ZFYVE16: variants seen among roughly 807,000 people sequenced by gnomAD.
ZFYVE16 encodes the protein zinc finger FYVE-type containing 16.
Under a neutral mutation model 138.1 loss-of-function variants are expected in ZFYVE16, and 89 were observed. That is an observed-to-expected ratio of 0.64 (90% CI 0.54 to 0.77). The LOEUF is 0.77. Ranked by LOEUF, ZFYVE16 falls within the 30% of genes least tolerant of loss-of-function variation. The probability of loss-of-function intolerance (pLI) is 0.00; values close to 1 mark genes in which losing one functional copy is unlikely to be tolerated. For synonymous variants in ZFYVE16, 596 were observed against 618.3 expected (o/e 0.96, Z 0.53); for missense variants, 1,793 against 1,786.7 (o/e 1.00, Z -0.06).
At chr5:80,422,299 T>G (rs1030078012) in intron 1 of ZFYVE16, among the ~76,000 whole-genome samples, 1 of 152,166 alleles carries the variant, frequency 6.6e-6, no homozygotes, top group African/African-American at 2.4e-5. Context: ...AGAGAAGATA[T>G]CCTTTCCTTG....
In ZFYVE16 at chr5:80,448,509, A is replaced by G; in HGVS notation, c.3103+105A>G. Reference sequence around the variant, plus strand: ...TTTTTTAACTTAGTTTGGTTGCAATATGTACTAAGGCTGGTAACTTTTGTT... The same window carrying G: ...TTTTTTAACTTAGTTTGGTTGCAATGTGTACTAAGGCTGGTAACTTTTGTT... On this transcript the variant is annotated intron_variant, in intron 8 of 18. Transcript: ENST00000505560. The G allele has an allele frequency of 7.0e-6, 8 of 1,142,244 alleles. No homozygotes were observed. The South Asian group carries it at 2.0e-4, about 28-fold the overall frequency. 70.8% of individuals were successfully genotyped at this position (1,142,244 alleles called of 1,614,324 possible).
At chr5:80,425,633 C>G (rs1372992609) in intron 1 of ZFYVE16, among the ~76,000 whole-genome samples, 1 of 152,164 alleles carries the variant, frequency 6.6e-6, no homozygotes, top group African/African-American at 2.4e-5. Context: ...CAGTGTTTCA[C>G]CTTCCAGGAT....
intron 1 of ZFYVE16, among the ~76,000 whole-genome samples, chr5:80,410,780 G>C (rs188366106): frequency 0.029 from 4,334 of 151,372 alleles, 72 homozygotes; most frequent in South Asian, 0.046. Context: ...ATGTTGGCCA[G>C]GATGGTCTCG....
Position 80,438,022 on chromosome 5 carries a change from C to G in ZFYVE16, c.1337C>G (p.Ser446Ter), listed in dbSNP as rs770749802. 3.7e-6 allele frequency: 6 copies of G among 1,613,956 alleles called. No individual in the cohort carries two copies. Among genetic ancestry groups the G allele is most frequent in the Non-Finnish European group, 5.1e-6 (6 of 1,179,934 alleles). Residue 446 changes from serine to a stop codon, truncating the protein, a stop_gained, in exon 4 of 19, where the codon TCA (serine) becomes TGA (stop). Transcript: ENST00000505560. LOFTEE classifies it high-confidence loss of function. ...QEKCKSILLQ[S>*]LIEGMEDRKI... ...AAATGTAAAAGCATACTCCTTCAGT[C>G]ATTAATTGAAGGGATGGAAGACAGA...
At chr5:80,428,448 C>A (rs1561251151) in intron 2 of ZFYVE16, among the ~76,000 whole-genome samples, 2 of 152,174 alleles carry the variant, frequency 1.3e-5, no homozygotes, top group Non-Finnish European at 2.9e-5. Flanking sequence ...CACCAAAACC[C>A]CATCTATACG....
At position 80,471,571 on chromosome 5, in the gene ZFYVE16, C is replaced by G. The variant is rs1580366256; in HGVS notation, c.4025-1190C>G. On this transcript the variant is annotated intron_variant, in intron 15 of 18. Coordinates refer to ENST00000505560, the MANE Select transcript of ZFYVE16 (RefSeq NM_001284236.3). ...ATAATAAATGCTGGTATATCCAGTG[C>G]ATCGTTGGCACCACGGGACCAGAAG... is the stretch of plus-strand genomic sequence containing the variant. Among the ~76,000 whole-genome samples the G allele has an allele frequency of 9.2e-5, 14 of 152,304 alleles. No homozygotes were observed. The East Asian group carries it at 2.7e-3, about 29-fold the overall frequency.
In ZFYVE16 at chr5:80,440,506, A is replaced by G. The variant is rs572599461; in HGVS notation, c.2419+474A>G. The G allele has an allele frequency of 9.1e-6, 9 of 985,470 alleles. No homozygotes were observed. The African/African-American group carries it at 1.4e-4, about 15-fold the overall frequency. 61.0% of individuals were successfully genotyped at this position (985,470 alleles called of 1,614,324 possible). A position where few individuals can be genotyped will look rare whatever the true frequency, so the allele number is the denominator to read the frequency against. ...AATATTTATGATTTTATAAATTCAT[A>G]GGACTGCCACACTATTTGCACATTT... On this transcript the variant is annotated intron_variant, in intron 5 of 18. Coordinates refer to ENST00000505560, the MANE Select transcript of ZFYVE16 (RefSeq NM_001284236.3).
chr5:80,468,646 A>G (rs1308884456), intron 15 of ZFYVE16, among the ~76,000 whole-genome samples: 5 of 152,170 alleles, frequency 3.3e-5, no homozygotes, highest in African/African-American at 9.7e-5. Flanking sequence ...GGCCTTGTAT[A>G]TATTTTCTTG....
At chr5:80,464,333 G>A (rs544939003) in intron 15 of ZFYVE16, among the ~76,000 whole-genome samples, 50 of 152,184 alleles carry the variant, frequency 3.3e-4, no homozygotes, top group African/African-American at 9.9e-4. Context: ...TTCACAAGGC[G>A]GCAGGAAGAA....
At position 80,450,474 on chromosome 5, in the gene ZFYVE16, T is replaced by A. The variant is rs1346495927; in HGVS notation, c.3270T>A (p.His1090Gln). ...KYWYFSTNGL[H>Q]GLGQAEIIIL... is the part of the protein sequence containing the mutation. ...GGTACTTTTCAACCAATGGATTGCA[T>A]GGCTTGGGACAGGCAGAAATTATTA... is the stretch of plus-strand genomic sequence containing the variant. The change falls in exon 10 of 19, where the codon CAT becomes CAA. Residue 1090 changes from histidine (H) to glutamine (Q), a missense_variant. Around this residue, in one of 2 missense-constraint regions of ZFYVE16, gnomAD observed 498 missense variants for 582.4 expected, o/e 0.86. Coordinates refer to ENST00000505560, the MANE Select transcript of ZFYVE16 (RefSeq NM_001284236.3). The A allele has an allele frequency of 6.2e-7, 1 of 1,613,570 alleles. No individual in the cohort carries two copies. Among genetic ancestry groups the A allele is most frequent in the Non-Finnish European group, 8.5e-7 (1 of 1,179,756 alleles).
intron 1 of ZFYVE16, among the ~76,000 whole-genome samples, chr5:80,421,896 A>G (rs1747252192): frequency 6.6e-6 from 1 of 151,958 alleles, no homozygotes; most frequent in Non-Finnish European, 1.5e-5. Flanking sequence ...CAGTATGGCG[A>G]TTTTCATGAT....
At chr5:80,441,584 G>T (rs1040759799) in intron 5 of ZFYVE16, 1 of 985,038 alleles carries the variant, frequency 1.0e-6, no homozygotes, top group Admixed American at 6.2e-5. Context: ...CATGGGTTGT[G>T]AGACATATGC....
chr5:80,433,685 C>G (rs1749451892), intron 2 of ZFYVE16, among the ~76,000 whole-genome samples: 2 of 151,600 alleles, frequency 1.3e-5, no homozygotes, highest in Non-Finnish European at 2.9e-5. Flanking sequence ...ATATAATTGT[C>G]TTCCACTAAA....
rs763240843 is a variant in ZFYVE16, at chr5:80,472,817, C to A, written c.4081C>A (p.Arg1361=). ...CATGAATGGCTTGCGGCTAGCTTTA[C>A]GAGAACAGAAAGACTTTAAAATTAC... is the stretch of plus-strand genomic sequence containing the variant. The part of the protein sequence containing the change: ...ETMNGLRLAL[R]EQKDFKITCG... Residue 1361 remains arginine, a synonymous_variant, in exon 16 of 19, where the codon CGA becomes AGA. Transcript: ENST00000505560. 2 of 1,613,848 alleles carry A rather than the reference C, an allele frequency of 1.2e-6. No individual in the cohort carries two copies. The highest frequency in any genetic ancestry group is 3.3e-5 in the Admixed American group (2 of 59,996).
chr5:80,476,476 A>T (rs528984259), intron 18 of ZFYVE16, among the ~76,000 whole-genome samples: 1 of 152,252 alleles, frequency 6.6e-6, no homozygotes, highest in Admixed American at 6.5e-5. Context: ...TATTATTTTA[A>T]TTTGTATTTC....
At chr5:80,460,503 C>T (rs1752990885) in intron 15 of ZFYVE16, among the ~76,000 whole-genome samples, 1 of 152,070 alleles carries the variant, frequency 6.6e-6, no homozygotes. Context: ...AAGATATTCT[C>T]CTATGTTGTC....
chr5:80,470,070 T>C (rs1277412588), intron 15 of ZFYVE16, among the ~76,000 whole-genome samples: 2 of 79,240 alleles, frequency 2.5e-5, no homozygotes, highest in Admixed American at 1.5e-4. Context: ...TATACGTGTG[T>C]GTGTGTGTGT....
At chr5:80,407,795 C>T (rs1744814581), upstream of ZFYVE16, among the ~76,000 whole-genome samples, 1 of 152,172 alleles carries the variant, frequency 6.6e-6, no homozygotes, top group African/African-American at 2.4e-5. Flanking sequence ...GCCTCCCGAT[C>T]CCGCAGTCGA....
At chr5:80,426,191 G>A (rs866625231) in intron 1 of ZFYVE16, among the ~76,000 whole-genome samples, 5,320 of 130,366 alleles carry the variant, frequency 0.041, 107 homozygotes, top group African/African-American at 0.073. Flanking sequence ...ATATATATAT[G>A]TGTGTGTGTG....
Sources: gnomAD v4.1 joint callset for allele counts (sites outside exome capture counted in the v4.1 genomes callset) on GRCh38, gnomAD v4.1.1 for gene constraint, gnomAD v4.1.1 regional missense constraint, MANE v1.5 for transcripts, NCBI Gene and HGNC (gene_info 2026-07-23, HGNC 2026-07-21) for gene names.